Variants in SGCZ observed in about 807,000 individuals in gnomAD.
The protein encoded by SGCZ is sarcoglycan zeta.
A neutral mutation model predicts 41.3 loss-of-function variants in SGCZ; 40 were observed. The observed-to-expected ratio is 0.97, with a 90% CI of 0.75 to 1.26. SGCZ has a LOEUF of 1.26. Ranked by LOEUF, SGCZ falls within the 50% of genes most tolerant of loss-of-function variation. SGCZ has a pLI of 0.00. For missense variants in SGCZ, 552 were observed against 369.8 expected (o/e 1.49, Z -4.04); for synonymous variants, 206 against 137.5 (o/e 1.50, Z -3.49).
chr8:14,277,027 A>T (rs1455908267), intron 3 of SGCZ, among the ~76,000 whole-genome samples: 1 of 152,156 alleles, frequency 6.6e-6, no homozygotes, highest in Non-Finnish European at 1.5e-5. Flanking sequence ...CATTTTCAAT[A>T]AATCTCTTCA....
At chr8:14,442,622 C>A (rs944166869) in intron 2 of SGCZ, among the ~76,000 whole-genome samples, 22 of 152,086 alleles carry the variant, frequency 1.4e-4, no homozygotes, top group Non-Finnish European at 2.5e-4. Context: ...TGCTAATGGT[C>A]CCTTATATAG....
chr8:14,971,019 C>G (rs907847892), intron 1 of SGCZ, among the ~76,000 whole-genome samples: 1 of 152,084 alleles, frequency 6.6e-6, no homozygotes, highest in Admixed American at 6.6e-5. Context: ...AGTTTTGTCT[C>G]TAGGACATAT....
At chr8:14,306,482 A>T (rs72604001) in intron 3 of SGCZ, among the ~76,000 whole-genome samples, 3 of 152,046 alleles carry the variant, frequency 2.0e-5, no homozygotes, top group African/African-American at 7.2e-5. Context: ...ATTATTTTCC[A>T]GTTTATCTCT....
chr8:14,487,351 G>C (rs1377886455), intron 2 of SGCZ, among the ~76,000 whole-genome samples: 1 of 152,072 alleles, frequency 6.6e-6, no homozygotes, highest in Non-Finnish European at 1.5e-5. Context: ...AATAATATTT[G>C]TAAGCTATAA....
intron 2 of SGCZ, among the ~76,000 whole-genome samples, chr8:14,453,953 T>A (rs530539905): frequency 6.6e-6 from 1 of 152,108 alleles, no homozygotes; most frequent in Non-Finnish European, 1.5e-5. Flanking sequence ...AATATTCTTA[T>A]ATTGTACTTG....
intron 1 of SGCZ, among the ~76,000 whole-genome samples, chr8:14,587,891 G>T (rs1291268528): frequency 6.6e-6 from 1 of 151,830 alleles, no homozygotes; most frequent in African/African-American, 2.4e-5. Context: ...TGAGTTTTTG[G>T]GCAAGCTTGT....
At position 14,701,268 on chromosome 8, in the gene SGCZ, C is replaced by G. The variant is rs572987834; in HGVS notation, c.40-146342G>C. 8.6e-4 allele frequency among the ~76,000 whole-genome samples: 131 copies of G among 152,024 alleles called. 1 individual carries two copies. Among genetic ancestry groups the G allele is most frequent in the Non-Finnish European group, 3.5e-4 (24 of 67,926 alleles). ...TTTACAGGATTTCAAGTTTTGAACT[C>G]TTTTACCATTATAAACCACTTTGGA... On this transcript the variant is annotated intron_variant, in intron 1 of 7. Transcript: ENST00000382080.
intron 6 of SGCZ, among the ~76,000 whole-genome samples, chr8:14,107,020 T>C (rs1364603939): frequency 1.3e-5 from 2 of 151,932 alleles, no homozygotes; most frequent in Non-Finnish European, 2.9e-5. Context: ...ATAGAGACTA[T>C]CCGGAGCAAC....
At chr8:14,835,023 C>A (rs1265007247) in intron 1 of SGCZ, among the ~76,000 whole-genome samples, 1 of 152,184 alleles carries the variant, frequency 6.6e-6, no homozygotes, top group Non-Finnish European at 1.5e-5. Context: ...TACAGATGGT[C>A]CTGAAACAAC....
intron 1 of SGCZ, among the ~76,000 whole-genome samples, chr8:14,855,221 C>T (rs550747417): frequency 2.0e-5 from 3 of 151,764 alleles, no homozygotes; most frequent in African/African-American, 7.2e-5. Context: ...ACCTAACTTT[C>T]GTATTTTTAG....
chr8:14,458,107 T>C (rs967150063), intron 2 of SGCZ, among the ~76,000 whole-genome samples: 1 of 152,200 alleles, frequency 6.6e-6, no homozygotes, highest in Non-Finnish European at 1.5e-5. Context: ...AAAAGACTAG[T>C]ACAATGTGTT....
intron 4 of SGCZ, among the ~76,000 whole-genome samples, chr8:14,195,805 T>C (rs1805249140): frequency 6.6e-6 from 1 of 152,040 alleles, no homozygotes; most frequent in Non-Finnish European, 1.5e-5. Context: ...ATTCTACACA[T>C]AATAAAAATA....
chr8:14,599,712 T>C (rs960622354), intron 1 of SGCZ, among the ~76,000 whole-genome samples: 3 of 152,188 alleles, frequency 2.0e-5, no homozygotes, highest in Non-Finnish European at 4.4e-5. Context: ...CGTGTCCCTC[T>C]CTAAAACAAA....
intron 2 of SGCZ, among the ~76,000 whole-genome samples, chr8:14,458,987 G>C (rs1483355551): frequency 6.6e-6 from 1 of 152,120 alleles, no homozygotes; most frequent in Non-Finnish European, 1.5e-5. Context: ...TGGCCAACTT[G>C]ACAGAGATTT....
chr8:14,436,458 C>A (rs1042365741), intron 2 of SGCZ, among the ~76,000 whole-genome samples: 3 of 152,136 alleles, frequency 2.0e-5, no homozygotes, highest in Admixed American at 6.5e-5. Flanking sequence ...AAAGTGTGGG[C>A]CATACACTTT....
chr8:14,326,527 C>T (rs143490740), intron 2 of SGCZ, among the ~76,000 whole-genome samples: 1 of 152,048 alleles, frequency 6.6e-6, no homozygotes, highest in African/African-American at 2.4e-5. Context: ...GTCTGGATTG[C>T]CCCATAGAAG....
At chr8:15,014,519 C>T (rs1160691102) in intron 1 of SGCZ, among the ~76,000 whole-genome samples, 4 of 152,196 alleles carry the variant, frequency 2.6e-5, no homozygotes, top group Non-Finnish European at 1.5e-5. Context: ...AGTTTCAGTG[C>T]AGGTGTTCTG....
At chr8:15,136,121 T>C (rs1808096928) in intron 1 of SGCZ, among the ~76,000 whole-genome samples, 1 of 152,072 alleles carries the variant, frequency 6.6e-6, no homozygotes, top group Admixed American at 6.6e-5. Flanking sequence ...ATCCCTGTTT[T>C]AGCTGGTCCT....
At chr8:14,434,945 G>A (rs1319088806) in intron 2 of SGCZ, among the ~76,000 whole-genome samples, 3 of 152,112 alleles carry the variant, frequency 2.0e-5, no homozygotes, top group African/African-American at 7.2e-5. Flanking sequence ...CTTTTGGGGA[G>A]TTGATCTTAG....
Sources: gnomAD v4.1 joint callset for allele counts (sites outside exome capture counted in the v4.1 genomes callset) on GRCh38, gnomAD v4.1.1 for gene constraint, MANE v1.5 for transcripts, NCBI Gene and HGNC (gene_info 2026-07-23, HGNC 2026-07-21) for gene names.